LRRC1: variants seen among roughly 807,000 people sequenced by gnomAD.
The protein encoded by LRRC1 is leucine rich repeat containing 1.
LRRC1 carries 28 observed loss-of-function variants against 69.9 expected under a neutral mutation model. The ratio of observed to expected loss-of-function variants is 0.40; its 90% CI spans 0.30 to 0.55. The LOEUF (loss-of-function observed/expected upper bound fraction) is 0.55. Among genes scored for constraint, LRRC1 ranks in the 20% least tolerant of loss-of-function variants. The pLI is 0.47. For synonymous variants in LRRC1, 236 were observed against 240.2 expected (o/e 0.98, Z 0.16); for missense variants, 498 against 609.0 (o/e 0.82, Z 1.92).
chr6:53,804,241 AT>A (rs533855543), intron 1 of LRRC1, among the ~76,000 whole-genome samples: 2 of 152,092 alleles, frequency 1.3e-5, no homozygotes, highest in Non-Finnish European at 2.9e-5. Flanking sequence ...ATTGTATTAA[AT>A]TTTTTTATTT....
In LRRC1 at chr6:53,882,863, TTTTG is replaced by T. The variant is rs766614792; in HGVS notation, c.357-11_357-8del. The T allele has an allele frequency of 5.6e-5, 82 of 1,472,950 alleles. No individual in the cohort carries two copies. Among genetic ancestry groups the T allele is most frequent in the Admixed American group, 3.6e-4 (20 of 55,738 alleles). 91.2% of individuals were successfully genotyped at this position (1,472,950 alleles called of 1,614,324 possible). On this transcript the variant is annotated intron_variant, in intron 3 of 13. Transcript: ENST00000370888. ...ACATGAACTTTTTTAATTTACAGCG[TTTTG>T]TTTGTTTGTTTGATTTTAGGTTGCC...
At chr6:53,908,663 A>G (rs1291845921) in intron 10 of LRRC1, among the ~76,000 whole-genome samples, 1 of 152,180 alleles carries the variant, frequency 6.6e-6, no homozygotes, top group Non-Finnish European at 1.5e-5. Context: ...TCGATTTCTG[A>G]TCTTCAAGAA....
At chr6:53,810,346 C>T (rs769900632) in intron 1 of LRRC1, among the ~76,000 whole-genome samples, 32 of 152,210 alleles carry the variant, frequency 2.1e-4, no homozygotes, top group Non-Finnish European at 4.3e-4. Context: ...TACGACTGGG[C>T]ATGGTGGCTC....
intron 2 of LRRC1, among the ~76,000 whole-genome samples, chr6:53,855,440 G>A (rs1247533378): frequency 6.6e-6 from 1 of 152,320 alleles, no homozygotes; most frequent in East Asian, 1.9e-4. Flanking sequence ...AACACAAAAG[G>A]TAGCCCAGAG....
At chr6:53,867,268 A>C (rs1386460011) in intron 2 of LRRC1, among the ~76,000 whole-genome samples, 1 of 152,132 alleles carries the variant, frequency 6.6e-6, no homozygotes, top group East Asian at 1.9e-4. Flanking sequence ...GGCGCTCAGT[A>C]AAGTTCTGCC....
At chr6:53,873,570 A>T (rs1766969568) in intron 2 of LRRC1, among the ~76,000 whole-genome samples, 1 of 151,850 alleles carries the variant, frequency 6.6e-6, no homozygotes, top group Non-Finnish European at 1.5e-5. Context: ...AAGCGCTGGG[A>T]CCACAGGCGC....
intron 4 of LRRC1, among the ~76,000 whole-genome samples, chr6:53,893,998 A>G (rs1767788709): frequency 6.6e-6 from 1 of 152,246 alleles, no homozygotes; most frequent in Non-Finnish European, 1.5e-5. Context: ...CATTCTTAAA[A>G]TAAAATCAAA....
Position 53,919,493 on chromosome 6 carries a change from A to AAG in LRRC1, c.1107-4_1107-3insGA. 2 of 1,530,350 alleles carry AAG rather than the reference A, an allele frequency of 1.3e-6. No homozygotes were observed. The highest frequency in any genetic ancestry group is 8.7e-7 in the Non-Finnish European group (1 of 1,146,286). The allele number at this position is 1,530,350 out of a possible 1,614,324, so 94.8% of individuals were successfully genotyped here. A position where few individuals can be genotyped will look rare whatever the true frequency, so the allele number is the denominator to read the frequency against. ...CTCTTTTTTTAAAAAAAAAAAAAAA[A>AAG]ACAGGTTGCTGCATCTACCTTTATC... On this transcript the variant is annotated splice_polypyrimidine_tract_variant and splice_region_variant and intron_variant, in intron 11 of 13. Transcript: ENST00000370888.
rs150281014 is a variant in LRRC1 at position 53,901,601 on chromosome 6, G to T, written c.788-1028G>T. 3.2e-3 allele frequency among the ~76,000 whole-genome samples: 483 copies of T among 152,066 alleles called. 7 individuals carry two copies. The East Asian group carries it at 0.041, about 13-fold the overall frequency. ...AAATCAGTTTGGGCTGCTTAGTGAAGAAATGAGTACCTTGTCACTAGAAGT... is the reference window on the plus strand; with the variant it reads ...AAATCAGTTTGGGCTGCTTAGTGAATAAATGAGTACCTTGTCACTAGAAGT... On this transcript the variant is annotated intron_variant, in intron 8 of 13. Coordinates refer to ENST00000370888, the MANE Select transcript of LRRC1 (RefSeq NM_018214.5).
intron 1 of LRRC1, among the ~76,000 whole-genome samples, chr6:53,819,474 C>A (rs1562029411): frequency 2.6e-5 from 4 of 152,052 alleles, no homozygotes. Context: ...TGGGGAAACA[C>A]CTAAATTTCT....
intron 10 of LRRC1, among the ~76,000 whole-genome samples, 167 bp from the exon 11 acceptor site, chr6:53,913,687 G>A (rs761871970): frequency 2.6e-5 from 4 of 152,128 alleles, no homozygotes; most frequent in South Asian, 2.1e-4. Context: ...ATGGGGCTGC[G>A]TTTTGTAAGA....
chr6:53,870,483 A>G (rs1201348896), intron 2 of LRRC1, among the ~76,000 whole-genome samples: 2 of 152,076 alleles, frequency 1.3e-5, no homozygotes, highest in Non-Finnish European at 2.9e-5. Flanking sequence ...GCTGTAATTT[A>G]TTAGGAGGTA....
chr6:53,866,555 A>T lies in LRRC1; in HGVS notation c.278-12438A>T, dbSNP rs925986816. Reference sequence around the variant, plus strand: ...TAGATTTTATGGATAATCACTGCTGAGAAAAACGCTTCAAACAAGGAGTAT... The same window carrying T: ...TAGATTTTATGGATAATCACTGCTGTGAAAAACGCTTCAAACAAGGAGTAT... On this transcript the variant is annotated intron_variant, in intron 2 of 13. Transcript: ENST00000370888. 3.9e-5 allele frequency among the ~76,000 whole-genome samples: 6 copies of T among 152,174 alleles called. No individual in the cohort carries two copies. In the East Asian group the frequency reaches 9.6e-4, roughly 24 times the overall value.
intron 2 of LRRC1, among the ~76,000 whole-genome samples, chr6:53,862,951 C>T (rs1182829098): frequency 2.0e-5 from 3 of 152,206 alleles, no homozygotes; most frequent in Non-Finnish European, 2.9e-5. Context: ...AGTCAGGCAG[C>T]CCACAGCACG....
In LRRC1 at chr6:53,795,057, A is replaced by C; in HGVS notation, c.-200A>C. 4.4e-6 allele frequency: 2 copies of C among 458,098 alleles called. No individual in the cohort carries two copies. The allele number at this position is 458,098 out of a possible 1,614,324, so 28.4% of individuals were successfully genotyped here. On this transcript the variant is annotated 5_prime_UTR_variant, in exon 1 of 14. Coordinates refer to ENST00000370888, the MANE Select transcript of LRRC1 (RefSeq NM_018214.5). ...GAGGCACCGGCTGGCGGGCGGGGGT[A>C]CAGGGACGGGGCAGGGGCTCCCGCT... is the stretch of plus-strand genomic sequence containing the variant.
chr6:53,797,637 TCTC>T (rs912777612), intron 1 of LRRC1, among the ~76,000 whole-genome samples: 1 of 152,208 alleles, frequency 6.6e-6, no homozygotes, highest in Non-Finnish European at 1.5e-5. Context: ...AGCTGTATGT[TCTC>T]CTCTCTATAA....
chr6:53,833,280 T>C (rs1765483375), intron 1 of LRRC1, among the ~76,000 whole-genome samples: 1 of 152,196 alleles, frequency 6.6e-6, no homozygotes. Flanking sequence ...ACCCTTCTGA[T>C]CATAGCACAA....
intron 2 of LRRC1, among the ~76,000 whole-genome samples, chr6:53,861,187 A>T (rs1181306935): frequency 1.3e-5 from 2 of 152,032 alleles, no homozygotes; most frequent in Non-Finnish European, 2.9e-5. Context: ...TTAAAAAAAA[A>T]TAAAATAAAA....
intron 2 of LRRC1, among the ~76,000 whole-genome samples, chr6:53,866,645 A>T (rs1766712745): frequency 1.3e-5 from 2 of 152,172 alleles, no homozygotes; most frequent in Admixed American, 1.3e-4. Flanking sequence ...AAAATGTAAG[A>T]TACTATGTTG....
Sources: gnomAD v4.1 joint callset for allele counts (sites outside exome capture counted in the v4.1 genomes callset) on GRCh38, gnomAD v4.1.1 for gene constraint, MANE v1.5 for transcripts, NCBI Gene and HGNC (gene_info 2026-07-23, HGNC 2026-07-21) for gene names.